The following FLII variants were observed in gnomAD, a reference collection of about 807,000 sequenced individuals.
The protein encoded by FLII is FLII actin remodeling protein.
FLII carries 101 observed loss-of-function variants against 156.2 expected under a neutral mutation model. The ratio of observed to expected loss-of-function variants is 0.65; its 90% CI spans 0.55 to 0.76. The LOEUF (loss-of-function observed/expected upper bound fraction) is 0.76, where lower values mean the gene tolerates loss of function less well. Among genes scored for constraint, FLII ranks in the 30% least tolerant of loss-of-function variants. The pLI is 0.00. For missense variants in FLII, 1,675 were observed against 1,682.8 expected (o/e 1.00, Z 0.08); for synonymous variants, 767 against 685.8 (o/e 1.12, Z -1.85).
chr17:18,252,504 G>T lies in FLII; in HGVS notation c.1066C>A (p.Pro356Thr), dbSNP rs2142847193. 1 of 1,613,750 alleles carries T rather than the reference G, an allele frequency of 6.2e-7. No individual in the cohort carries two copies. Among genetic ancestry groups the T allele is most frequent in the South Asian group, 1.1e-5 (1 of 91,086 alleles). ...TCCGTCAGGAAATGGATGGCTTCTG[G>T]GAGGGTCACCAGGTGGTTCTTGTTC... The part of the protein sequence containing the change: ...VLNKNHLVTL[P>T]EAIHFLTEIE... Residue 356 changes from proline (P) to threonine (T), a missense_variant, in exon 10 of 30, where the codon CCA becomes ACA. Physicochemically the swap from Pro to Thr is conservative, Grantham distance 38. This residue lies in a region of FLII where 1,332 missense variants were observed against 1,269.3 expected (regional missense o/e 1.05). Transcript: ENST00000327031.
chr17:18,247,359 T>A lies in FLII; in HGVS notation c.2488-2A>T. 1 of 1,597,620 alleles carries A rather than the reference T, an allele frequency of 6.3e-7. No homozygotes were observed. The highest frequency in any genetic ancestry group is 8.5e-7 in the Non-Finnish European group (1 of 1,172,816). On this transcript the variant is annotated splice_acceptor_variant, in intron 20 of 29. Transcript: ENST00000327031. LOFTEE classifies it high-confidence loss of function. ...ATTCTTGAACTTGGCCTTGAACACC[T>A]GCCAGGGAGGCCATCAACTAACCAT...
rs201949226 is a variant in FLII at position 18,254,195 on chromosome 17, C to T, written c.576-13G>A. The T allele has an allele frequency of 7.0e-5, 112 of 1,589,668 alleles. No homozygotes were observed. In the African/African-American group the frequency reaches 1.1e-3, roughly 15 times the overall value. On this transcript the variant is annotated splice_polypyrimidine_tract_variant and intron_variant, in intron 6 of 29. Transcript: ENST00000327031. ...CGCTGGGAGCTGCCTGCCAGGGTGA[C>T]GTGAGTGGTCAGGGCCAGGGCCCAC...
rs754795233 is a variant in FLII, at chr17:18,254,176, G to A, written c.582C>T (p.Leu194=). 1.2e-5 allele frequency: 19 copies of A among 1,605,752 alleles called. No homozygotes were observed. The highest frequency in any genetic ancestry group is 2.7e-5 in the African/African-American group (2 of 74,838). The change falls in exon 7 of 30, where the codon CTC becomes CTT. Residue 194 remains leucine (L), a synonymous_variant. Transcript: ENST00000327031. Reference sequence around the variant, plus strand: ...GGGTCTGCAGGGCCGTCATCGCTGGGAGCTGCCTGCCAGGGTGACGTGAGT... The same window carrying A: ...GGGTCTGCAGGGCCGTCATCGCTGGAAGCTGCCTGCCAGGGTGACGTGAGT... ...NPLLHAQLRQ[L]PAMTALQTLH...
chr17:18,246,292 TC>T lies in FLII; in HGVS notation c.3206+15del. The T allele has an allele frequency of 6.2e-7, 1 of 1,613,836 alleles. No individual in the cohort carries two copies. On this transcript the variant is annotated intron_variant, in intron 24 of 29. Transcript: ENST00000327031. ...CTGACGCTTGCTCGCCACTGCGTCCTCCCCCAGCCAGGCACCGGGTGCAGAG... is the reference window on the plus strand; with the variant it reads ...CTGACGCTTGCTCGCCACTGCGTCCTCCCCAGCCAGGCACCGGGTGCAGAG...
chr17:18,257,330 A>T (rs2048450995), intron 1 of FLII: 1 of 349,204 alleles, frequency 2.9e-6, no homozygotes. Flanking sequence ...CTCGGCTCAA[A>T]TTCCTTCACC....
chr17:18,246,126 G>T (rs1325647213), intron 25 of FLII, 36 bp downstream of exon 25: 3 of 1,614,168 alleles, frequency 1.9e-6, no homozygotes, highest in Non-Finnish European at 2.5e-6. Context: ...CCCACCCCTT[G>T]GTCCACGGAG....
chr17:18,255,288 T>C (rs2048381814), intron 3 of FLII, 25 bp from the exon 4 acceptor site: 1 of 1,594,638 alleles, frequency 6.3e-7, no homozygotes. Flanking sequence ...TAAGAGTCTA[T>C]AATTCCTGGC....
rs1426535020 is a variant in FLII, at chr17:18,258,503, G to C, written c.63+125C>G. 4.7e-6 allele frequency: 7 copies of C among 1,504,920 alleles called. No homozygotes were observed. The highest frequency in any genetic ancestry group is 6.2e-6 in the Non-Finnish European group (7 of 1,133,402). 93.2% of individuals were successfully genotyped at this position (1,504,920 alleles called of 1,614,324 possible). On this transcript the variant is annotated intron_variant, in intron 1 of 29. Coordinates refer to ENST00000327031, the MANE Select transcript of FLII (RefSeq NM_002018.4). The surrounding 1 kb of genome is among the most constrained non-coding windows in gnomAD (Gnocchi z 4.2). ...CCTGGCCAGGGGAGAGCCCCACCCC[G>C]CCCCGGCCGCAGTCCCTGGGACACG...
At position 18,247,208 on chromosome 17, in the gene FLII, C is replaced by T. The variant is rs542311393; in HGVS notation, c.2637G>A (p.Ala879=). ...KKDQMKADLT[A]LFLPRQPPMS... is the part of the protein sequence containing the mutation. ...TGGGCGGCTGCCGCGGCAGGAAAAGCGCAGTGAGGTCAGCCTTCATCTGGT... is the reference window on the plus strand; with the variant it reads ...TGGGCGGCTGCCGCGGCAGGAAAAGTGCAGTGAGGTCAGCCTTCATCTGGT... The change falls in exon 21 of 30, where the codon GCG becomes GCA. Residue 879 remains alanine, a synonymous_variant. Transcript: ENST00000327031. The T allele has an allele frequency of 2.0e-5, 32 of 1,589,774 alleles. 1 individual carries two copies. The highest frequency in any genetic ancestry group is 1.6e-4 in the South Asian group (14 of 90,230).
chr17:18,248,925 G>T, intron 16 of FLII, 42 bp from the exon 17 acceptor site: 1 of 1,547,242 alleles, frequency 6.5e-7, no homozygotes, highest in Non-Finnish European at 8.9e-7. Flanking sequence ...TGGTGCATGG[G>T]GCAATGGTCA....
At chr17:18,257,317 T>C (rs895510138) in intron 1 of FLII, 4 of 383,354 alleles carry the variant, frequency 1.0e-5, no homozygotes, top group Non-Finnish European at 1.9e-5. Context: ...GCTCTGTGGT[T>C]AGCTCGGCTC....
chr17:18,248,135 A>C, intron 18 of FLII, 102 bp from the exon 19 acceptor site: 2 of 734,906 alleles, frequency 2.7e-6, no homozygotes, highest in Non-Finnish European at 4.5e-6. Context: ...AGCGTGGCTC[A>C]CTGACTGCTT....
In FLII at chr17:18,245,951, T is replaced by C. The variant is rs1255485574; in HGVS notation, c.3379A>G (p.Thr1127Ala). The part of the protein sequence containing the change: ...AEDILNTMFD[T>A]SYSKQVINEG... ...CTCCTGACCTGCTTGCTGTAGGAGG[T>C]GTCAAACATGGTGTTCAGGATGTCT... The change falls in exon 26 of 30, where the codon ACC becomes GCC. Residue 1127 changes from threonine (T) to alanine (A), a missense_variant. Coordinates refer to ENST00000327031, the MANE Select transcript of FLII (RefSeq NM_002018.4). The C allele has an allele frequency of 2.5e-6, 4 of 1,613,808 alleles. No individual in the cohort carries two copies. The highest frequency in any genetic ancestry group is 1.3e-5 in the African/African-American group (1 of 74,902).
At chr17:18,257,178 C>T in intron 1 of FLII, 159 bp from the exon 2 acceptor site, 1 of 559,810 alleles carries the variant, frequency 1.8e-6, no homozygotes, top group Non-Finnish European at 3.2e-6. Context: ...TTTCTTCACC[C>T]ATAGAATGGG....
At chr17:18,247,131 C>A in intron 21 of FLII, 38 bp downstream of exon 21, 5 of 167,530 alleles carry the variant, frequency 3.0e-5, no homozygotes, top group African/African-American at 5.6e-5. Context: ...CTGCCCCCCA[C>A]CCCCCCCCCC....
chr17:18,247,542 C>T (rs1177695329), intron 20 of FLII, 115 bp downstream of exon 20: 12 of 1,123,096 alleles, frequency 1.1e-5, no homozygotes, highest in Non-Finnish European at 1.5e-5. Context: ...GCAGAGTCAG[C>T]AAAGAGGAGG....
In FLII at chr17:18,247,215, A is replaced by G; in HGVS notation, c.2630T>C (p.Leu877Pro). Reference protein sequence around the residue: ...AEKKDQMKADLTALFLPRQPP... With the variant: ...AEKKDQMKADPTALFLPRQPP... ...CTGCCGCGGCAGGAAAAGCGCAGTGAGGTCAGCCTTCATCTGGTCTTTCTT... is the reference window on the plus strand; with the variant it reads ...CTGCCGCGGCAGGAAAAGCGCAGTGGGGTCAGCCTTCATCTGGTCTTTCTT... The change falls in exon 21 of 30, where the codon CTC (leucine) becomes CCC (proline). Residue 877 changes from leucine (L) to proline (P), a missense_variant. Coordinates refer to ENST00000327031, the MANE Select transcript of FLII (RefSeq NM_002018.4). 1.3e-6 allele frequency: 2 copies of G among 1,575,104 alleles called. No homozygotes were observed. Among genetic ancestry groups the G allele is most frequent in the Non-Finnish European group, 1.7e-6 (2 of 1,167,652 alleles).
In FLII at chr17:18,245,351, T is replaced by G. The variant is rs1406998094; in HGVS notation, c.3675+3A>C. On this transcript the variant is annotated splice_donor_region_variant and intron_variant, in intron 29 of 29. Transcript: ENST00000327031. ...ACCTCGGCCCTCCCTCCACCCAGAT[T>G]ACCTGGCAGGCCTTCAGGCTCAGCT... 1.2e-6 allele frequency: 2 copies of G among 1,614,066 alleles called. No individual in the cohort carries two copies. Among genetic ancestry groups the G allele is most frequent in the African/African-American group, 2.7e-5 (2 of 74,948 alleles).
chr17:18,251,519 C>T (rs781455677), intron 12 of FLII, 42 bp from the exon 13 acceptor site: 108 of 1,574,536 alleles, frequency 6.9e-5, no homozygotes, highest in Non-Finnish European at 9.1e-5. Context: ...TCTGTGAAGC[C>T]ACTCAGGCCA....
Sources: gnomAD v4.1 joint callset for allele counts on GRCh38, gnomAD v4.1.1 for gene constraint, gnomAD v4.1.1 regional missense constraint, Gnocchi (gnomAD v3.1) non-coding constraint, MANE v1.5 for transcripts, NCBI Gene and HGNC (gene_info 2026-07-23, HGNC 2026-07-21) for gene names.